The following STIM2 variants were observed in gnomAD, a reference collection of about 807,000 sequenced individuals.
STIM2 encodes stromal interaction molecule 2.
STIM2 carries 31 observed loss-of-function variants against 85.8 expected under a neutral mutation model. The ratio of observed to expected loss-of-function variants is 0.36; its 90% confidence interval spans 0.27 to 0.49. STIM2 has a LOEUF of 0.49. Ranked by LOEUF, STIM2 falls within the 20% of genes least tolerant of loss-of-function variation. The pLI is 0.98. For missense variants in STIM2, 841 were observed against 927.6 expected, an observed-to-expected ratio of 0.91 and a Z score of 1.21; for synonymous variants, 356 against 331.1, an observed-to-expected ratio of 1.08 and a Z score of -0.82.
rs567765127 is a variant in STIM2 at position 26,994,086 on chromosome 4, G to A, written c.398-1293G>A. 1.2e-4 allele frequency among the ~76,000 whole-genome samples: 19 copies of A among 152,124 alleles called. No individual in the cohort carries two copies. The South Asian group carries it at 2.7e-3, about 22-fold the overall frequency. On this transcript the variant is annotated intron_variant, in intron 3 of 11. Transcript: ENST00000467087. ...TTAATAGCTGTCTTTTCTGGTTGAT[G>A]TCATTTAGTCTAAAGATCATCTGTA...
intron 1 of STIM2, among the ~76,000 whole-genome samples, chr4:26,904,599 G>T (rs762531045): frequency 6.6e-6 from 1 of 152,178 alleles, no homozygotes; most frequent in Non-Finnish European, 1.5e-5. Context: ...GACCAGGCCA[G>T]TTTTGGTGGA....
intron 1 of STIM2, among the ~76,000 whole-genome samples, chr4:26,872,253 TG>T (rs1414325691): frequency 2.0e-5 from 3 of 152,188 alleles, no homozygotes; most frequent in Admixed American, 6.5e-5. Flanking sequence ...GTTAAAACTC[TG>T]TAGAAATATG....
At chr4:26,899,995 A>T (rs2109051336) in intron 1 of STIM2, among the ~76,000 whole-genome samples, 1 of 152,224 alleles carries the variant, frequency 6.6e-6, no homozygotes, top group Non-Finnish European at 1.5e-5. Flanking sequence ...GTATCTATCT[A>T]TTTCATATAG....
chr4:26,908,586 C>T (rs151121810), intron 1 of STIM2, among the ~76,000 whole-genome samples: 1,939 of 152,292 alleles, frequency 0.013, 35 homozygotes, highest in African/African-American at 0.044. Flanking sequence ...TGGGTTCAAG[C>T]GATTCTCCAG....
intron 1 of STIM2, among the ~76,000 whole-genome samples, chr4:26,916,437 TCA>T (rs1006488494): frequency 9.2e-5 from 14 of 152,204 alleles, no homozygotes; most frequent in African/African-American, 3.4e-4. Context: ...GCTGTGTCTC[TCA>T]GTCTTGTCAC....
At chr4:26,922,319 C>T (rs1382718711) in intron 2 of STIM2, among the ~76,000 whole-genome samples, 1 of 151,966 alleles carries the variant, frequency 6.6e-6, no homozygotes, top group African/African-American at 2.4e-5. Flanking sequence ...TGTACATTTT[C>T]TTAGTCATTT....
At chr4:26,934,913 C>CAAAAAAA (rs1160656482) in intron 2 of STIM2, among the ~76,000 whole-genome samples, 746 of 55,572 alleles carry the variant, frequency 0.013, no homozygotes, top group Middle Eastern at 0.02. Flanking sequence ...AACTCCATCT[C>CAAAAAAA]AAAAAAAAAA....
chr4:26,995,360 C>T lies in STIM2; in HGVS notation c.398-19C>T. ...AGCAGGTGTGTTTAAAATATGCATT[C>T]CCCTTTTATCTCCTGCAGTTCATAA... On this transcript the variant is annotated intron_variant, in intron 3 of 11. Coordinates refer to ENST00000467087, the MANE Select transcript of STIM2 (RefSeq NM_020860.4). The T allele has an allele frequency of 7.2e-7, 1 of 1,396,330 alleles. No homozygotes were observed. The highest frequency in any genetic ancestry group is 9.8e-7 in the Non-Finnish European group (1 of 1,020,634). 86.5% of individuals were successfully genotyped at this position (1,396,330 alleles called of 1,614,324 possible).
At chr4:26,885,867 A>ATGTATG (rs1164449078) in intron 1 of STIM2, among the ~76,000 whole-genome samples, 2 of 112,538 alleles carry the variant, frequency 1.8e-5, no homozygotes, top group Non-Finnish European at 3.8e-5. Context: ...ATATATATAT[A>ATGTATG]TATATATGTA....
intron 10 of STIM2, among the ~76,000 whole-genome samples, chr4:27,009,920 T>A (rs6833149): frequency 0.32 from 48,329 of 152,148 alleles, 7,757 homozygotes; most frequent in East Asian, 0.39. Context: ...GTGTTTAATA[T>A]CTGAATTGTG....
At chr4:26,899,594 A>G (rs1723841794) in intron 1 of STIM2, among the ~76,000 whole-genome samples, 1 of 152,170 alleles carries the variant, frequency 6.6e-6, no homozygotes, top group African/African-American at 2.4e-5. Context: ...TTTGAAGAAT[A>G]TAGGGTAAAA....
At chr4:26,891,560 C>A (rs893933748) in intron 1 of STIM2, among the ~76,000 whole-genome samples, 1 of 26,268 alleles carries the variant, frequency 3.8e-5, no homozygotes, top group Non-Finnish European at 6.5e-5. Context: ...TACATACATA[C>A]ACACACACAC....
At chr4:26,874,192 T>G in intron 1 of STIM2, 1 of 486,838 alleles carries the variant, frequency 2.1e-6, no homozygotes, top group East Asian at 5.4e-5. Flanking sequence ...AGGGGCAGCC[T>G]CCTTTGGAAC....
intron 2 of STIM2, among the ~76,000 whole-genome samples, chr4:26,934,515 C>T (rs1224746157): frequency 6.6e-6 from 1 of 152,184 alleles, no homozygotes; most frequent in African/African-American, 2.4e-5. Context: ...CAGGTTTCTT[C>T]ATCATATAGC....
intron 2 of STIM2, among the ~76,000 whole-genome samples, chr4:26,947,071 G>T (rs1044505312): frequency 6.6e-6 from 1 of 152,152 alleles, no homozygotes; most frequent in Non-Finnish European, 1.5e-5. Context: ...TAGTACAGAG[G>T]CTCAGTGATG....
chr4:26,861,328 C>T lies in STIM2; in HGVS notation c.110C>T (p.Ser37Phe). 1 of 1,386,490 alleles carries T rather than the reference C, an allele frequency of 7.2e-7. No individual in the cohort carries two copies. The allele number at this position is 1,386,490 out of a possible 1,614,324, so 85.9% of individuals were successfully genotyped here. Residue 37 changes from serine to phenylalanine, a missense_variant, in exon 1 of 12, where the codon TCT becomes TTT. This residue lies in a region of STIM2 where 140 missense variants were observed against 117.7 expected (regional missense o/e 1.19). Transcript: ENST00000467087. ...GGCTCTGCCGCAACTGCCGCCTCCT[C>T]TCCCGCCGCGGCGGCCGGCGATAGC...
At chr4:26,886,439 G>A (rs1316194275) in intron 1 of STIM2, among the ~76,000 whole-genome samples, 1 of 152,162 alleles carries the variant, frequency 6.6e-6, no homozygotes, top group Non-Finnish European at 1.5e-5. Context: ...AGGTGAGAAG[G>A]TAGAGAATGT....
chr4:26,879,051 T>C (rs182816967), intron 1 of STIM2, among the ~76,000 whole-genome samples: 2 of 152,314 alleles, frequency 1.3e-5, no homozygotes, highest in East Asian at 3.9e-4. Flanking sequence ...TTTAATATTT[T>C]CTTGCTGCTT....
chr4:26,981,424 G>A (rs1158360767), intron 3 of STIM2, among the ~76,000 whole-genome samples: 1 of 152,184 alleles, frequency 6.6e-6, no homozygotes, highest in East Asian at 1.9e-4. Flanking sequence ...TTCTCTACCT[G>A]CATAATTGAA....
Sources: gnomAD v4.1 joint callset for allele counts (sites outside exome capture counted in the v4.1 genomes callset) on GRCh38, gnomAD v4.1.1 for gene constraint, gnomAD v4.1.1 regional missense constraint, MANE v1.5 for transcripts, NCBI Gene and HGNC (gene_info 2026-07-23, HGNC 2026-07-21) for gene names.